Variants in SNX25 observed in about 807,000 individuals in gnomAD.
SNX25 encodes sorting nexin-25.
SNX25 carries 62 observed loss-of-function variants against 113.7 expected under a neutral mutation model. That is an observed-to-expected ratio of 0.55 (90% CI 0.44 to 0.67). The LOEUF (loss-of-function observed/expected upper bound fraction) is 0.67. SNX25 is among the 30% of genes least tolerant of loss of function. The pLI is 0.00. For synonymous variants in SNX25, 421 were observed against 436.2 expected (o/e 0.97, Z 0.43); for missense variants, 1,014 against 1,161.0 (o/e 0.87, Z 1.84).
intron 13 of SNX25, among the ~76,000 whole-genome samples, chr4:185,347,660 G>A (rs956309811): frequency 2.0e-5 from 3 of 151,980 alleles, no homozygotes; most frequent in Non-Finnish European, 4.4e-5. Flanking sequence ...TAGTAGAGAC[G>A]GGGTTTCTCC....
intron 2 of SNX25, among the ~76,000 whole-genome samples, chr4:185,255,811 G>A (rs1344522555): frequency 6.6e-6 from 1 of 152,152 alleles, no homozygotes; most frequent in Non-Finnish European, 1.5e-5. Flanking sequence ...ATTTCCTGAA[G>A]GGACGAAACT....
At position 185,331,229 on chromosome 4, in the gene SNX25, G is replaced by A. The variant is rs2126704694; in HGVS notation, c.1750-1366G>A. Among the ~76,000 whole-genome samples the A allele has an allele frequency of 1.3e-5, 2 of 152,240 alleles. 1 individual carries two copies. Among genetic ancestry groups the A allele is most frequent in the African/African-American group, 4.8e-5 (2 of 41,534 alleles). Reference sequence around the variant, plus strand: ...TTTATGCATGATAGTATTTGTTTTTGTACATATGGGATAGCAATGAAGCAG... The same window carrying A: ...TTTATGCATGATAGTATTTGTTTTTATACATATGGGATAGCAATGAAGCAG... On this transcript the variant is annotated intron_variant, in intron 9 of 18. Transcript: ENST00000652585.
In SNX25 at chr4:185,320,725, C is replaced by G. The variant is rs773053145; in HGVS notation, c.1345-8C>G. ...TTTAAAAAAAGTTTTCTTAAATTCT[C>G]TTAATAGATTCTTCAGTTTGAAGAT... On this transcript the variant is annotated splice_polypyrimidine_tract_variant and splice_region_variant and intron_variant, in intron 7 of 18. Transcript: ENST00000652585. The G allele has an allele frequency of 1.3e-5, 20 of 1,488,150 alleles. No homozygotes were observed. The highest frequency in any genetic ancestry group is 1.8e-4 in the Middle Eastern group (1 of 5,530). 92.2% of individuals were successfully genotyped at this position (1,488,150 alleles called of 1,614,324 possible). A position where few individuals can be genotyped will look rare whatever the true frequency, so the allele number is the denominator to read the frequency against.
At chr4:185,319,354 C>T (rs1244454690) in intron 7 of SNX25, among the ~76,000 whole-genome samples, 3 of 149,500 alleles carry the variant, frequency 2.0e-5, no homozygotes, top group Admixed American at 6.7e-5. Context: ...TGCACCACCA[C>T]GCCCAGCTAA....
intron 13 of SNX25, among the ~76,000 whole-genome samples, chr4:185,347,213 A>T (rs1019236393): frequency 6.6e-6 from 1 of 152,226 alleles, no homozygotes; most frequent in African/African-American, 2.4e-5. Flanking sequence ...GCTTTTACAA[A>T]GGGTGCTTAT....
intron 1 of SNX25, among the ~76,000 whole-genome samples, chr4:185,229,691 G>C (rs1741540009): frequency 1.3e-5 from 2 of 152,168 alleles, no homozygotes; most frequent in Non-Finnish European, 2.9e-5. Flanking sequence ...CAGAAGTCAG[G>C]TATTGGGAAG....
chr4:185,324,309 A>G (rs544944882), intron 9 of SNX25, among the ~76,000 whole-genome samples: 16 of 152,372 alleles, frequency 1.1e-4, no homozygotes, highest in Admixed American at 1.0e-3. Context: ...AAATGCTCCA[A>G]AAGAAAACTT....
chr4:185,371,513 G>A (rs1448939400), downstream of SNX25, among the ~76,000 whole-genome samples: 1 of 132,422 alleles, frequency 7.6e-6, no homozygotes, highest in African/African-American at 2.9e-5. Flanking sequence ...CTGCACTCCA[G>A]CCTGGGCAAC....
chr4:185,224,549 A>G (rs200330343), intron 1 of SNX25, among the ~76,000 whole-genome samples: 13,382 of 92,188 alleles, frequency 0.15, 791 homozygotes, highest in Non-Finnish European at 0.19. Flanking sequence ...ATATATATAC[A>G]TATATATAAA....
rs375826211 is a variant in SNX25, at chr4:185,253,492, G to T, written c.515-5356G>T. The stretch of plus-strand genomic sequence containing the variant: ...TTTCTTCTTTTTTTTTTTTGAGACC[G>T]AGTCTTACTCTGTTGCCCAGGCTGG... On this transcript the variant is annotated intron_variant, in intron 2 of 18. Transcript: ENST00000652585. 2.5e-3 allele frequency among the ~76,000 whole-genome samples: 366 copies of T among 146,518 alleles called. 2 individuals are homozygous for T. The highest frequency in any genetic ancestry group is 8.7e-3 in the African/African-American group (348 of 39,880).
intron 3 of SNX25, among the ~76,000 whole-genome samples, 156 bp downstream of exon 3, chr4:185,259,220 G>A (rs998289944): frequency 1.3e-5 from 2 of 151,742 alleles, no homozygotes; most frequent in African/African-American, 2.4e-5. Context: ...TGTTCTGGTA[G>A]AGTATTTTTT....
chr4:185,318,333 T>A (rs1186448174), intron 7 of SNX25, among the ~76,000 whole-genome samples: 2 of 152,206 alleles, frequency 1.3e-5, no homozygotes, highest in Non-Finnish European at 2.9e-5. Context: ...ATGTGAGGCA[T>A]TTTTCCTAAT....
At chr4:185,369,363 A>G (rs974413528) in intron 11 of SNX25, among the ~76,000 whole-genome samples, 3 of 140,740 alleles carry the variant, frequency 2.1e-5, no homozygotes, top group Admixed American at 7.2e-5. Context: ...GTTTACAGGC[A>G]CACATTGCCA....
intron 9 of SNX25, among the ~76,000 whole-genome samples, chr4:185,329,681 C>CAG (rs111361928): frequency 0.04 from 6,000 of 148,932 alleles, 247 homozygotes; most frequent in African/African-American, 0.1. Context: ...AAGACAGACA[C>CAG]AGAGAGAGAG....
At chr4:185,206,024 G>T (rs948518387), upstream of SNX25, among the ~76,000 whole-genome samples, 1 of 152,196 alleles carries the variant, frequency 6.6e-6, no homozygotes, top group Non-Finnish European at 1.5e-5. Context: ...GGATTGGCAA[G>T]AATGTGGAAA....
intron 6 of SNX25, among the ~76,000 whole-genome samples, chr4:185,295,121 C>T (rs879267105): frequency 2.0e-5 from 3 of 151,980 alleles, no homozygotes; most frequent in African/African-American, 2.4e-5. Flanking sequence ...AAATTTTTAG[C>T]GTTAAAAAAT....
upstream of SNX25, among the ~76,000 whole-genome samples, chr4:185,207,210 C>CTTTTTTT (rs34373262): frequency 1.3e-5 from 1 of 76,814 alleles, no homozygotes; most frequent in Admixed American, 1.8e-4. Context: ...ACCAGTCACA[C>CTTTTTTT]TTTTTTTTTT....
chr4:185,204,923 A>G (rs566289898), upstream of SNX25, among the ~76,000 whole-genome samples: 1 of 152,380 alleles, frequency 6.6e-6, no homozygotes, highest in Admixed American at 6.5e-5. Context: ...AAGACAATAC[A>G]CCTGTGTTGT....
At chr4:185,325,978 T>A (rs950482950) in intron 9 of SNX25, among the ~76,000 whole-genome samples, 7 of 152,232 alleles carry the variant, frequency 4.6e-5, no homozygotes, top group Non-Finnish European at 1.5e-5. Context: ...GTTTTTCCAG[T>A]TGTGTCCTGT....
Sources: gnomAD v4.1 joint callset for allele counts (sites outside exome capture counted in the v4.1 genomes callset) on GRCh38, gnomAD v4.1.1 for gene constraint, MANE v1.5 for transcripts, NCBI Gene and HGNC (gene_info 2026-07-23, HGNC 2026-07-21) for gene names.